PLSCR4: variants seen among roughly 807,000 people sequenced by gnomAD.
The protein encoded by PLSCR4 is Ca(2+)-dependent phospholipid scramblase 4.
A neutral mutation model predicts 36.3 loss-of-function variants in PLSCR4; 25 were observed. The ratio of observed to expected loss-of-function variants is 0.69; its 90% CI spans 0.50 to 0.96. PLSCR4 has a LOEUF of 0.96. Among genes scored for constraint, PLSCR4 ranks in the 40% least tolerant of loss-of-function variants. PLSCR4 has a pLI of 0.00. For missense variants in PLSCR4, 408 were observed against 414.7 expected (o/e 0.98, Z 0.14); for synonymous variants, 122 against 132.9 (o/e 0.92, Z 0.56).
At chr3:146,224,774 T>C (rs2035365507) in intron 1 of PLSCR4, among the ~76,000 whole-genome samples, 1 of 152,122 alleles carries the variant, frequency 6.6e-6, no homozygotes, top group Admixed American at 6.6e-5. Flanking sequence ...CCGAGTGGCC[T>C]GTTTTGACAG....
chr3:146,199,902 T>C lies in PLSCR4; in HGVS notation c.535A>G (p.Thr179Ala). ...RTLRPFVLRV[T>A]DCMGREIMTM... ...ATGATTTCTCGGCCCATACAATCAG[T>C]GACCCGGAGGACGAAGGGCCTTAGT... The change falls in exon 6 of 9, where the codon ACT becomes GCT. Residue 179 changes from threonine (T) to alanine (A), a missense_variant. By Grantham distance (58) the Thr-to-Ala change is moderately conservative (BLOSUM62 0). Coordinates refer to ENST00000354952, the MANE Select transcript of PLSCR4 (RefSeq NM_020353.3). The C allele has an allele frequency of 6.2e-7, 1 of 1,613,600 alleles. No homozygotes were observed. Among genetic ancestry groups the C allele is most frequent in the South Asian group, 1.1e-5 (1 of 91,066 alleles).
intron 7 of PLSCR4, among the ~76,000 whole-genome samples, chr3:146,195,594 T>C (rs996247712): frequency 6.6e-6 from 1 of 152,156 alleles, no homozygotes; most frequent in South Asian, 2.1e-4. Context: ...AGGGTGGGAA[T>C]TGGGAGAGAG....
chr3:146,223,761 CCCTAT>C (rs1325091035), intron 1 of PLSCR4: 11 of 151,048 alleles, frequency 7.3e-5, no homozygotes, highest in African/African-American at 2.4e-4. Flanking sequence ...TTGTACGGTG[CCCTAT>C]GTGTCTCCAA....
In PLSCR4 at chr3:146,242,721, C is replaced by G. The variant is rs35887016; in HGVS notation, c.-22+8239G>C. On this transcript the variant is annotated intron_variant, in intron 1 of 8. Transcript: ENST00000354952. ...CCAGAGACCCAGAACCTGTGCTTTTCGAGACGAATGGGAGAACCTTAGCAA... is the reference window on the plus strand; with the variant it reads ...CCAGAGACCCAGAACCTGTGCTTTTGGAGACGAATGGGAGAACCTTAGCAA... 8.5e-5 allele frequency among the ~76,000 whole-genome samples: 13 copies of G among 152,256 alleles called. No homozygotes were observed. The South Asian group carries it at 2.1e-3, about 24-fold the overall frequency.
chr3:146,233,561 G>A (rs1279748226), intron 1 of PLSCR4, among the ~76,000 whole-genome samples: 2 of 152,062 alleles, frequency 1.3e-5, no homozygotes, highest in Non-Finnish European at 2.9e-5. Flanking sequence ...GACTCCAAAT[G>A]ACCTGCTATA....
In PLSCR4 at chr3:146,194,160, A is replaced by G. The variant is rs2033576486; in HGVS notation, c.*251T>C. 5 of 429,192 alleles carry G rather than the reference A, an allele frequency of 1.2e-5. No homozygotes were observed. In the South Asian group the frequency reaches 2.4e-4, roughly 21 times the overall value. 26.6% of individuals were successfully genotyped at this position (429,192 alleles called of 1,614,324 possible). On this transcript the variant is annotated 3_prime_UTR_variant, in exon 9 of 9. Transcript: ENST00000354952. ...TTATAGTGTTTTAAGCTTACTTTGT[A>G]TATGTTTACTGGGTTAATGAGTCAC...
Position 146,206,727 on chromosome 3 carries a change from G to T in PLSCR4, c.153C>A (p.Gly51=), listed in dbSNP as rs769785713. 6.2e-7 allele frequency: 1 copy of T among 1,603,444 alleles called. No individual in the cohort carries two copies. The highest frequency in any genetic ancestry group is 8.5e-7 in the Non-Finnish European group (1 of 1,173,966). ...ATCCCATAGGCAAGCCTCCTGGGTA[G>T]CCAGTAGGTGGAGGGACAGCTGTTC... ...PPGTAVPPPT[G]YPGGLPMGYY... Residue 51 remains glycine, a synonymous_variant, in exon 4 of 9, where the codon GGC becomes GGA. Transcript: ENST00000354952.
In PLSCR4 at chr3:146,251,053, G is replaced by C. The variant is rs1559934172; in HGVS notation, c.-115C>G. On this transcript the variant is annotated 5_prime_UTR_variant, in exon 1 of 9. Transcript: ENST00000354952. ...AGGGAAAGGAAAGGAGGCAGGGAAG[G>C]GAGACGGAGAGGATTTTTCAAGTTA... 6.6e-6 allele frequency: 1 copy of C among 152,660 alleles called. No individual in the cohort carries two copies. The highest frequency in any genetic ancestry group is 1.5e-5 in the Non-Finnish European group (1 of 68,446). The allele number at this position is 152,660 out of a possible 1,614,324, so 9.5% of individuals were successfully genotyped here.
intron 1 of PLSCR4, among the ~76,000 whole-genome samples, chr3:146,247,681 G>A (rs546157679): frequency 1.3e-5 from 2 of 152,184 alleles, no homozygotes; most frequent in South Asian, 4.1e-4. Context: ...GGAGTGCAGT[G>A]GCATGATAAT....
At chr3:146,236,927 T>C (rs897671929) in intron 1 of PLSCR4, among the ~76,000 whole-genome samples, 3 of 151,970 alleles carry the variant, frequency 2.0e-5, no homozygotes, top group African/African-American at 7.3e-5. Flanking sequence ...GTAAGACATA[T>C]AGAAAACAAG....
At position 146,222,064 on chromosome 3, in the gene PLSCR4, C is replaced by T; in HGVS notation, c.7+1G>A. Reference sequence around the variant, plus strand: ...ATTCAAATTTATTCACAAAAACTTACCTGACATTTTGAAGAATTCCAATTA... The same window carrying T: ...ATTCAAATTTATTCACAAAAACTTATCTGACATTTTGAAGAATTCCAATTA... On this transcript the variant is annotated splice_donor_variant, in intron 2 of 8. Transcript: ENST00000354952. LOFTEE classifies it high-confidence loss of function. 1 of 1,234,222 alleles carries T rather than the reference C, an allele frequency of 8.1e-7. No homozygotes were observed. Among genetic ancestry groups the T allele is most frequent in the Non-Finnish European group, 1.1e-6 (1 of 899,880 alleles). The allele number at this position is 1,234,222 out of a possible 1,614,324, so 76.5% of individuals were successfully genotyped here. A position where few individuals can be genotyped will look rare whatever the true frequency, so the allele number is the denominator to read the frequency against.
chr3:146,241,978 G>A (rs2036167752), intron 1 of PLSCR4, among the ~76,000 whole-genome samples: 1 of 152,140 alleles, frequency 6.6e-6, no homozygotes, highest in Non-Finnish European at 1.5e-5. Context: ...ACTGCAACTT[G>A]ATTTGAGGTT....
Position 146,194,334 on chromosome 3 carries a change from C to CT in PLSCR4, c.*76dup. ...AGCAAAGAAATACACTTGCAAATAACTGAGTGCTGACTGTAAGCCCAATCC... is the reference window on the plus strand; with the variant it reads ...AGCAAAGAAATACACTTGCAAATAACTTGAGTGCTGACTGTAAGCCCAATCC... On this transcript the variant is annotated 3_prime_UTR_variant, in exon 9 of 9. Transcript: ENST00000354952. 1 of 927,532 alleles carries CT rather than the reference C, an allele frequency of 1.1e-6. No individual in the cohort carries two copies. Among genetic ancestry groups the CT allele is most frequent in the South Asian group, 1.4e-5 (1 of 73,722 alleles). 57.5% of individuals were successfully genotyped at this position (927,532 alleles called of 1,614,324 possible).
intron 5 of PLSCR4, among the ~76,000 whole-genome samples, chr3:146,200,433 C>T (rs1186270374): frequency 2.0e-5 from 3 of 151,998 alleles, no homozygotes; most frequent in African/African-American, 7.2e-5. Flanking sequence ...TTACTAATTA[C>T]AAACAAGAGA....
At chr3:146,231,746 T>C (rs151219536) in intron 1 of PLSCR4, among the ~76,000 whole-genome samples, 221 of 152,312 alleles carry the variant, frequency 1.5e-3, no homozygotes, top group South Asian at 6.2e-3. Context: ...CCTTACAGAT[T>C]CTGAATATTC....
chr3:146,237,170 G>A (rs1181193029), intron 1 of PLSCR4, among the ~76,000 whole-genome samples: 1 of 152,150 alleles, frequency 6.6e-6, no homozygotes, highest in Non-Finnish European at 1.5e-5. Flanking sequence ...AAGAGCTGCA[G>A]TGGCTATACT....
chr3:146,220,671 T>C (rs1290892640), intron 3 of PLSCR4, 144 bp downstream of exon 3: 3 of 627,406 alleles, frequency 4.8e-6, no homozygotes, highest in South Asian at 1.9e-5. Flanking sequence ...AACTGACATA[T>C]AGTAAACTAT....
Position 146,199,833 on chromosome 3 carries a change from A to G in PLSCR4, c.604T>C (p.Cys202Arg). The G allele has an allele frequency of 6.2e-7, 1 of 1,612,996 alleles. No individual in the cohort carries two copies. The highest frequency in any genetic ancestry group is 2.2e-5 in the East Asian group (1 of 44,842). ...PFRCTCCCFC[C>R]PSARQELEVQ... ...CTGACCTCTTGTCTGGCAGAGGGGC[A>G]ACAGAAGCAACAGCAGGTGCATCTG... Residue 202 changes from cysteine to arginine, a missense_variant, in exon 6 of 9, where the codon TGC (cysteine) becomes CGC (arginine). By Grantham distance (180) the Cys-to-Arg change is radical. Coordinates refer to ENST00000354952, the MANE Select transcript of PLSCR4 (RefSeq NM_020353.3).
chr3:146,217,702 G>A (rs2034958313), intron 3 of PLSCR4, among the ~76,000 whole-genome samples: 1 of 152,158 alleles, frequency 6.6e-6, no homozygotes, highest in Non-Finnish European at 1.5e-5. Flanking sequence ...GGATCCTACA[G>A]GCCTCCAGTG....
Sources: gnomAD v4.1 joint callset for allele counts (sites outside exome capture counted in the v4.1 genomes callset) on GRCh38, gnomAD v4.1.1 for gene constraint, MANE v1.5 for transcripts, NCBI Gene and HGNC (gene_info 2026-07-23, HGNC 2026-07-21) for gene names.